The following RYR3 variants were observed in gnomAD, a reference collection of about 807,000 sequenced individuals.
RYR3 encodes brain ryanodine receptor-calcium release channel.
A neutral mutation model predicts 584.3 loss-of-function variants in RYR3; 207 were observed. That is an observed-to-expected ratio of 0.35 (90% confidence interval 0.32 to 0.40). The LOEUF is 0.40. Among genes scored for constraint, RYR3 ranks in the 10% least tolerant of loss-of-function variants. The probability of loss-of-function intolerance (pLI) is 1.00; values close to 1 mark genes in which losing one functional copy is unlikely to be tolerated. For missense variants in RYR3, 5,616 were observed against 6,089.2 expected (o/e 0.92, Z 2.59); for synonymous variants, 2,416 against 2,248.5 (o/e 1.07, Z -2.11).
intron 90 of RYR3, 124 bp from the exon 91 acceptor site, chr15:33,841,740 C>T (rs1394635688): frequency 2.1e-6 from 2 of 933,534 alleles, no homozygotes; most frequent in Non-Finnish European, 3.2e-6. Flanking sequence ...CTGAAGTTTC[C>T]ACCTTCAAGG....
intron 74 of RYR3, 30 bp from the exon 75 acceptor site, chr15:33,816,832 C>G: frequency 6.8e-7 from 1 of 1,479,610 alleles, no homozygotes; most frequent in Non-Finnish European, 9.4e-7. Context: ...ATGGATCCCT[C>G]TTGACCTCCC....
Position 33,769,035 on chromosome 15 carries a change from G to T in RYR3, c.8756-77G>T, listed in dbSNP as rs1299680088. The T allele has an allele frequency of 3.9e-5, 42 of 1,075,848 alleles. No individual in the cohort carries two copies. The East Asian group carries it at 5.9e-4, about 15-fold the overall frequency. 66.6% of individuals were successfully genotyped at this position (1,075,848 alleles called of 1,614,324 possible). ...GTTAATTACGCTGGGGCTGTGGCTTGTGCATATGGAGAAGACTGCATTTGA... is the reference window on the plus strand; with the variant it reads ...GTTAATTACGCTGGGGCTGTGGCTTTTGCATATGGAGAAGACTGCATTTGA... On this transcript the variant is annotated intron_variant, in intron 61 of 103. Transcript: ENST00000634891.
At chr15:33,651,598 GAGAGGTGAAGCAACTCTC>G (rs2062467776) in intron 31 of RYR3, among the ~76,000 whole-genome samples, 1 of 152,166 alleles carries the variant, frequency 6.6e-6, no homozygotes, top group Non-Finnish European at 1.5e-5. Flanking sequence ...ACATCATCCT[GAGAGGTGAAGCAACTCTC>G]AGAGTTTACA....
chr15:33,667,736 G>T (rs2063564695), intron 36 of RYR3, among the ~76,000 whole-genome samples: 3 of 152,120 alleles, frequency 2.0e-5, no homozygotes, highest in Admixed American at 2.0e-4. Flanking sequence ...TCACCAGACT[G>T]TCAGAGGGGT....
In RYR3 at chr15:33,341,388, T is replaced by C. The variant is rs1971799967; in HGVS notation, c.51+30292T>C. 1.3e-5 allele frequency among the ~76,000 whole-genome samples: 2 copies of C among 152,214 alleles called. 1 individual carries two copies. Among genetic ancestry groups the C allele is most frequent in the South Asian group, 4.2e-4 (2 of 4,816 alleles). ...ACATGTTTTCAGATGCTGCTGCTGC[T>C]GCTGCTGCTCTGGAAACACCACACT... is the stretch of plus-strand genomic sequence containing the variant. On this transcript the variant is annotated intron_variant, in intron 1 of 103. Transcript: ENST00000634891.
chr15:33,533,565 G>A (rs139408751), intron 5 of RYR3, among the ~76,000 whole-genome samples, 176 bp downstream of exon 5: 16 of 152,240 alleles, frequency 1.1e-4, no homozygotes, highest in African/African-American at 2.9e-4. Context: ...ATGGAAACAC[G>A]GAAACTAAGA....
At chr15:33,751,228 A>G (rs2071269321) in intron 57 of RYR3, among the ~76,000 whole-genome samples, 1 of 152,214 alleles carries the variant, frequency 6.6e-6, no homozygotes, top group South Asian at 2.1e-4. Flanking sequence ...AGAATAATTT[A>G]TAATCCTTTG....
At chr15:33,794,207 T>A (rs2075405332) in intron 67 of RYR3, among the ~76,000 whole-genome samples, 1 of 90,104 alleles carries the variant, frequency 1.1e-5, no homozygotes, top group South Asian at 5.8e-4. Flanking sequence ...TATACACAAA[T>A]ATACATTATA....
intron 1 of RYR3, among the ~76,000 whole-genome samples, chr15:33,346,108 C>T (rs1972428581): frequency 6.6e-6 from 1 of 152,272 alleles, no homozygotes; most frequent in South Asian, 2.1e-4. Flanking sequence ...AACAATAATA[C>T]TATACCAACT....
At chr15:33,388,767 T>C (rs1447807839) in intron 1 of RYR3, among the ~76,000 whole-genome samples, 1 of 152,068 alleles carries the variant, frequency 6.6e-6, no homozygotes, top group Non-Finnish European at 1.5e-5. Context: ...CAGAACAGCA[T>C]GTAAGTATTA....
chr15:33,435,929 C>T (rs921763366), intron 1 of RYR3, among the ~76,000 whole-genome samples: 9 of 152,312 alleles, frequency 5.9e-5, no homozygotes, highest in South Asian at 2.1e-4. Context: ...TGACCCTGCC[C>T]ATGTCCTGCT....
Position 33,623,979 on chromosome 15 carries a change from C to T in RYR3, c.2530C>T (p.Leu844Phe), listed in dbSNP as rs749188012. The T allele has an allele frequency of 9.3e-6, 15 of 1,613,992 alleles. No individual in the cohort carries two copies. In the East Asian group the frequency reaches 3.3e-4, roughly 36 times the overall value. Residue 844 changes from leucine (L) to phenylalanine (F), a missense_variant, in exon 20 of 104, where the codon CTC (leucine) becomes TTC (phenylalanine). Physicochemically the swap from Leu to Phe is conservative, Grantham distance 22. Coordinates refer to ENST00000634891, the MANE Select transcript of RYR3 (RefSeq NM_001036.6). ...AGATCTCTTGGGTACCACCCAGTTC[C>T]TCTCCCAAGCCTCTTTCATCCCATG... Reference protein sequence around the residue: ...IRDLLGTTQFLSQASFIPCPV... With the variant: ...IRDLLGTTQFFSQASFIPCPV...
intron 1 of RYR3, among the ~76,000 whole-genome samples, chr15:33,426,438 GCACTATTCCATATTTTTTAGC>G (rs1203118595): frequency 1.3e-5 from 2 of 152,120 alleles, no homozygotes; most frequent in African/African-American, 2.4e-5. Context: ...CAGGCTACAG[GCACTATTCCATATTTTTTAGC>G]CAGGTGTTAG....
intron 64 of RYR3, among the ~76,000 whole-genome samples, chr15:33,775,963 G>A (rs191112508): frequency 7.2e-4 from 110 of 152,228 alleles, no homozygotes; most frequent in African/African-American, 2.5e-3. Flanking sequence ...ATATTTTATG[G>A]GTTCAGAGTT....
intron 23 of RYR3, 106 bp downstream of exon 23, chr15:33,631,399 A>G: frequency 2.9e-6 from 2 of 696,202 alleles, no homozygotes; most frequent in Non-Finnish European, 4.8e-6. Context: ...AGTTGCTAGC[A>G]CCAGCTCAGA....
chr15:33,562,400 T>C (rs574783973), intron 10 of RYR3, among the ~76,000 whole-genome samples: 13 of 152,330 alleles, frequency 8.5e-5, no homozygotes, highest in Non-Finnish European at 1.6e-4. Flanking sequence ...TCAATAGATA[T>C]GATGAAAGCC....
chr15:33,862,169 A>C (rs1240449324), intron 102 of RYR3, among the ~76,000 whole-genome samples: 1 of 151,858 alleles, frequency 6.6e-6, no homozygotes, highest in Admixed American at 6.6e-5. Flanking sequence ...TCTGCTCCCC[A>C]GCCTAGCTCT....
At chr15:33,519,479 T>C (rs1455363101) in intron 3 of RYR3, among the ~76,000 whole-genome samples, 1 of 152,140 alleles carries the variant, frequency 6.6e-6, no homozygotes, top group Non-Finnish European at 1.5e-5. Context: ...GCCGACTGCA[T>C]GCATCATACA....
intron 3 of RYR3, among the ~76,000 whole-genome samples, chr15:33,508,512 T>C (rs960078478): frequency 6.6e-6 from 1 of 152,002 alleles, no homozygotes; most frequent in Non-Finnish European, 1.5e-5. Context: ...TAGCCGGGCA[T>C]GGTGGCGGGC....
Sources: gnomAD v4.1 joint callset for allele counts (sites outside exome capture counted in the v4.1 genomes callset) on GRCh38, gnomAD v4.1.1 for gene constraint, MANE v1.5 for transcripts, NCBI Gene and HGNC (gene_info 2026-07-23, HGNC 2026-07-21) for gene names.